The following VPS13D variants were observed in gnomAD, a reference collection of about 807,000 sequenced individuals.
VPS13D encodes intermembrane lipid transfer protein VPS13D.
Under a neutral mutation model 461.9 loss-of-function variants are expected in VPS13D, and 187 were observed. That is an observed-to-expected ratio of 0.40 (90% confidence interval 0.36 to 0.46). The LOEUF is 0.46. Ranked by LOEUF, VPS13D falls within the 20% of genes least tolerant of loss-of-function variation. VPS13D has a pLI of 0.60. For missense variants in VPS13D, 4,711 were observed against 5,364.9 expected (o/e 0.88, Z 3.81); for synonymous variants, 1,951 against 1,986.3 (o/e 0.98, Z 0.47).
In VPS13D at chr1:12,249,287, C is replaced by G. The variant is rs767410275; in HGVS notation, c.512C>G (p.Ala171Gly). Residue 171 changes from alanine to glycine, a missense_variant, in exon 6 of 70, where the codon GCT becomes GGT. Coordinates refer to ENST00000620676, the MANE Select transcript of VPS13D (RefSeq NM_015378.4). ...GTCACCAATCCCTCCCATCCTTTTG[C>G]TTTTGGCATCTGCATTAAGAATGTG... ...DGVTNPSHPF[A>G]FGICIKNVSM... 70 of 1,613,806 alleles carry G rather than the reference C, an allele frequency of 4.3e-5. No individual in the cohort carries two copies. Among genetic ancestry groups the G allele is most frequent in the Non-Finnish European group, 5.7e-5 (67 of 1,179,996 alleles).
intron 64 of VPS13D, among the ~76,000 whole-genome samples, chr1:12,415,592 T>G (rs1202693875): frequency 6.9e-6 from 1 of 145,650 alleles, no homozygotes; most frequent in African/African-American, 2.4e-5. Context: ...ATCCTGCATT[T>G]GGGTTGAACT....
intron 65 of VPS13D, among the ~76,000 whole-genome samples, chr1:12,431,904 C>T (rs2100301065): frequency 6.6e-6 from 1 of 152,212 alleles, no homozygotes; most frequent in South Asian, 2.1e-4. Context: ...TAGGGAATCC[C>T]TTTATAATTA....
At chr1:12,501,133 A>G (rs1646029772) in intron 68 of VPS13D, among the ~76,000 whole-genome samples, 1 of 152,102 alleles carries the variant, frequency 6.6e-6, no homozygotes, top group Non-Finnish European at 1.5e-5. Flanking sequence ...CTCTTTTCTT[A>G]TCTACTTTGT....
chr1:12,424,589 G>A (rs887899946), intron 65 of VPS13D, among the ~76,000 whole-genome samples: 2 of 152,156 alleles, frequency 1.3e-5, no homozygotes, highest in African/African-American at 4.8e-5. Flanking sequence ...GTTTGCTCAT[G>A]AAGGAGCCAG....
rs762070965 is a variant in VPS13D, at chr1:12,508,968, C to A, written c.13111C>A (p.Gln4371Lys). Residue 4371 changes from glutamine to lysine, a missense_variant, in exon 70 of 70, where the codon CAG becomes AAG. Physicochemically the swap from Gln to Lys is moderately conservative, Grantham distance 53. This residue lies in a region of VPS13D where 194 missense variants were observed against 220.9 expected (regional missense o/e 0.88). Transcript: ENST00000620676. The stretch of plus-strand genomic sequence containing the variant: ...CTACGCAAAGAGCCTCTACTATGAA[C>A]AGCAGCTTATGTTAAGACTCAGCGA... Reference protein sequence around the residue: ...INYAKSLYYEQQLMLRLSENR... With the variant: ...INYAKSLYYEKQLMLRLSENR... 2 of 1,614,200 alleles carry A rather than the reference C, an allele frequency of 1.2e-6. No individual in the cohort carries two copies. The highest frequency in any genetic ancestry group is 3.3e-5 in the Admixed American group (2 of 60,032).
In VPS13D at chr1:12,273,040, C is replaced by T; in HGVS notation, c.2141C>T (p.Ser714Phe). ...SKRWTVRLDI[S>F]APQVIFPDDF... ...CGATGGACCGTGCGGCTGGATATTT[C>T]TGCCCCTCAGGTGATATTTCCTGAT... The change falls in exon 18 of 70, where the codon TCT becomes TTT. Residue 714 changes from serine (S) to phenylalanine (F), a missense_variant. Ser to Phe is a radical substitution (Grantham distance 155). Around this residue, in one of 3 missense-constraint regions of VPS13D, gnomAD observed 4,411 missense variants for 4,937.8 expected, o/e 0.89. Coordinates refer to ENST00000620676, the MANE Select transcript of VPS13D (RefSeq NM_015378.4). 1 of 1,614,084 alleles carries T rather than the reference C, an allele frequency of 6.2e-7. No homozygotes were observed. The highest frequency in any genetic ancestry group is 8.5e-7 in the Non-Finnish European group (1 of 1,179,984).
intron 33 of VPS13D, 128 bp from the exon 34 acceptor site, chr1:12,322,408 T>G (rs1643064925): frequency 1.1e-6 from 1 of 915,370 alleles, no homozygotes; most frequent in Non-Finnish European, 1.6e-6. Context: ...TGCAATCTTT[T>G]AAATGAGAAA....
rs773943252 is a variant in VPS13D at position 12,335,814 on chromosome 1, A to G, written c.8538A>G (p.Pro2846=). Residue 2846 remains proline (P), a synonymous_variant, in exon 39 of 70, where the codon CCA becomes CCG. Transcript: ENST00000620676. ...EDWMGSSVDP[P]CFGQSLPLVY... ...GGATGGGCTCTTCGGTGGATCCTCC[A>G]TGTTTTGGACAAAGTAAGAGTTTTC... is the stretch of plus-strand genomic sequence containing the variant. The G allele has an allele frequency of 3.7e-5, 60 of 1,614,036 alleles. No homozygotes were observed. Among genetic ancestry groups the G allele is most frequent in the Non-Finnish European group, 4.7e-5 (55 of 1,179,998 alleles).
intron 13 of VPS13D, 41 bp from the exon 14 acceptor site, chr1:12,266,840 C>G: frequency 1.4e-6 from 2 of 1,451,304 alleles, no homozygotes; most frequent in Non-Finnish European, 1.8e-6. Flanking sequence ...ACATTAGGCT[C>G]TCATAAGCAT....
chr1:12,278,980 C>G (rs1641700813), intron 19 of VPS13D, among the ~76,000 whole-genome samples: 1 of 152,150 alleles, frequency 6.6e-6, no homozygotes, highest in Non-Finnish European at 1.5e-5. Context: ...AGAACTTACC[C>G]TTCTGTGGTC....
chr1:12,478,891 C>T (rs758946342), intron 67 of VPS13D: 17 of 455,694 alleles, frequency 3.7e-5, no homozygotes, highest in East Asian at 3.5e-4. Context: ...AGATGCCGGC[C>T]GTGGAGTGCT....
intron 11 of VPS13D, 41 bp from the exon 12 acceptor site, chr1:12,260,907 A>G: frequency 2.5e-6 from 4 of 1,613,576 alleles, no homozygotes; most frequent in African/African-American, 1.3e-5. Flanking sequence ...GCTTGCTTTT[A>G]TCTTTGAGTA....
intron 12 of VPS13D, 105 bp from the exon 13 acceptor site, chr1:12,261,796 G>A: frequency 9.8e-7 from 1 of 1,022,776 alleles, no homozygotes; most frequent in Non-Finnish European, 1.4e-6. Flanking sequence ...TTAACAAAGG[G>A]AAAAATAGTT....
chr1:12,385,728 A>T (rs1644342440), intron 59 of VPS13D, among the ~76,000 whole-genome samples: 2 of 152,222 alleles, frequency 1.3e-5, no homozygotes, highest in East Asian at 3.8e-4. Context: ...GACAAGTTTG[A>T]AAAGGAAGAT....
chr1:12,423,001 ATGGTAGCATTCT>A (rs1424399981), intron 65 of VPS13D, among the ~76,000 whole-genome samples: 4 of 152,254 alleles, frequency 2.6e-5, no homozygotes, highest in South Asian at 2.1e-4. Context: ...AGTGACCACT[ATGGTAGCATTCT>A]TGGCACAAAG....
At chr1:12,328,778 A>T (rs1643257234) in intron 36 of VPS13D, among the ~76,000 whole-genome samples, 1 of 152,148 alleles carries the variant, frequency 6.6e-6, no homozygotes, top group Non-Finnish European at 1.5e-5. Flanking sequence ...GACCTCAGGG[A>T]TCTGCCCGCC....
At chr1:12,292,894 C>T (rs1446538383) in intron 23 of VPS13D, among the ~76,000 whole-genome samples, 5 of 152,010 alleles carry the variant, frequency 3.3e-5, no homozygotes, top group African/African-American at 9.7e-5. Flanking sequence ...TCATGAAGTC[C>T]GATAATTAAT....
Position 12,299,480 on chromosome 1 carries a change from AT to A in VPS13D, c.6216+98del, listed in dbSNP as rs1642362243. 2.1e-6 allele frequency: 3 copies of A among 1,401,366 alleles called. No individual in the cohort carries two copies. Among genetic ancestry groups the A allele is most frequent in the Non-Finnish European group, 2.9e-6 (3 of 1,047,474 alleles). 86.8% of individuals were successfully genotyped at this position (1,401,366 alleles called of 1,614,324 possible). A position where few individuals can be genotyped will look rare whatever the true frequency, so the allele number is the denominator to read the frequency against. On this transcript the variant is annotated intron_variant, in intron 25 of 69. Coordinates refer to ENST00000620676, the MANE Select transcript of VPS13D (RefSeq NM_015378.4). This position sits in a 1 kb window ranked among gnomAD's most constrained non-coding sequence, Gnocchi z 4.2. ...TGCTGTAAGATGATCCATAATTGCT[AT>A]TACTTTTGTAGGGTATGTGGCTTGA...
Position 12,277,797 on chromosome 1 carries a change from A to G in VPS13D, c.4209A>G (p.Gly1403=). The G allele has an allele frequency of 6.2e-7, 1 of 1,614,166 alleles. No homozygotes were observed. Among genetic ancestry groups the G allele is most frequent in the East Asian group, 2.2e-5 (1 of 44,888 alleles). ...CTGAGTTGTTGGTGGGACACTTGGG[A>G]CAGATATTCATCCAGAATTTTGTGG... The part of the protein sequence containing the change: ...GSPELLVGHL[G]QIFIQNFVAG... The change falls in exon 19 of 70, where the codon GGA becomes GGG. Residue 1403 remains glycine (G), a synonymous_variant. Coordinates refer to ENST00000620676, the MANE Select transcript of VPS13D (RefSeq NM_015378.4).
Sources: allele counts gnomAD v4.1 joint callset (sites outside exome capture counted in the v4.1 genomes callset), GRCh38; gene constraint gnomAD v4.1.1; regional missense constraint gnomAD v4.1.1; non-coding constraint Gnocchi (gnomAD v3.1); transcripts MANE v1.5; gene names NCBI Gene and HGNC (gene_info 2026-07-23, HGNC 2026-07-21).